The following BTG4 variants were observed in gnomAD, a reference collection of about 807,000 sequenced individuals.
The protein encoded by BTG4 is protein BTG4.
In BTG4, 10 loss-of-function variants were observed where a neutral mutation model predicts 19.3. The observed-to-expected ratio is 0.52, with a 90% CI of 0.32 to 0.88. The LOEUF (loss-of-function observed/expected upper bound fraction) is 0.88. Ranked by LOEUF, BTG4 falls within the 40% of genes least tolerant of loss-of-function variation. BTG4 has a pLI of 0.04. For missense variants in BTG4, 238 were observed against 281.9 expected, an observed-to-expected ratio of 0.84 and a Z score of 1.11; for synonymous variants, 91 against 95.7, an observed-to-expected ratio of 0.95 and a Z score of 0.29.
chr11:111,388,760 C>A, the BTG4 span, among the ~76,000 whole-genome samples: 1 of 152,172 alleles, frequency 6.6e-6, no homozygotes, highest in Non-Finnish European at 1.5e-5. Flanking sequence ...GGGGCCAGAG[C>A]CCCCCAGAAT....
chr11:111,439,955 C>T, the BTG4 span, among the ~76,000 whole-genome samples: 1 of 152,204 alleles, frequency 6.6e-6, no homozygotes, highest in African/African-American at 2.4e-5. Context: ...TTTTGTGTAG[C>T]AAACAATCTC....
chr11:111,512,634 G>A (rs975843184), upstream of BTG4, among the ~76,000 whole-genome samples: 1 of 152,150 alleles, frequency 6.6e-6, no homozygotes, highest in African/African-American at 2.4e-5. Flanking sequence ...TGAGCGGGAG[G>A]GCCCTGAGAG....
rs145577925 is a variant in BTG4 at position 111,503,381 on chromosome 11, G to A, written c.-26-4579C>T. ...CAGAATTTAGCAGAAAGACCAACCT[G>A]GTCTGGCCTAAGCCAATCCCAGAGC... On this transcript the variant is annotated intron_variant, in intron 1 of 4. Transcript: ENST00000692032. Among the ~76,000 whole-genome samples, 67 of 152,306 alleles carry A rather than the reference G, an allele frequency of 4.4e-4. No homozygotes were observed. In the East Asian group the frequency reaches 0.01, roughly 24 times the overall value.
chr11:111,500,427 C>A (rs1865997426), intron 1 of BTG4, among the ~76,000 whole-genome samples: 1 of 152,228 alleles, frequency 6.6e-6, no homozygotes, highest in African/African-American at 2.4e-5. Context: ...GCCAGACCTT[C>A]CTTTCTGTGT....
At chr11:111,395,681 A>C in the BTG4 span, among the ~76,000 whole-genome samples, 1 of 152,244 alleles carries the variant, frequency 6.6e-6, no homozygotes, top group African/African-American at 2.4e-5. Flanking sequence ...CAAAAGCCCC[A>C]AATTCAGTGA....
chr11:111,447,773 T>G, the BTG4 span, among the ~76,000 whole-genome samples: 1 of 152,170 alleles, frequency 6.6e-6, no homozygotes, highest in African/African-American at 2.4e-5. Flanking sequence ...TATCTTAGAT[T>G]TCATCCTCAT....
upstream of BTG4, chr11:111,512,860 G>T: frequency 2.5e-6 from 1 of 402,030 alleles, no homozygotes; most frequent in Non-Finnish European, 5.0e-6. Context: ...GCGTCCCCCG[G>T]TGAAATGGGG....
At chr11:111,419,361 T>C in the BTG4 span, among the ~76,000 whole-genome samples, 140,237 of 152,310 alleles carry the variant, frequency 0.92, 64,906 homozygotes, top group East Asian at 1. Context: ...ACCCTAGAGA[T>C]ACAAAGCTTC....
At chr11:111,514,715 C>A, upstream of BTG4, 1 of 1,223,390 alleles carries the variant, frequency 8.2e-7, no homozygotes, top group Non-Finnish European at 1.1e-6. Flanking sequence ...CTTGGCGGTT[C>A]TCGGAGGGGC....
chr11:111,447,677 G>A, the BTG4 span, among the ~76,000 whole-genome samples: 1 of 152,222 alleles, frequency 6.6e-6, no homozygotes, highest in Non-Finnish European at 1.5e-5. Flanking sequence ...TTCCTCCGGA[G>A]AGGAAGGTTC....
chr11:111,471,991 G>A (rs1027145917), intron 5 of BTG4, among the ~76,000 whole-genome samples: 6 of 152,120 alleles, frequency 3.9e-5, no homozygotes, highest in Non-Finnish European at 8.8e-5. Context: ...TCCAACCACT[G>A]CTCATCAACT....
chr11:111,461,675 T>A, the BTG4 span, among the ~76,000 whole-genome samples: 48,519 of 151,718 alleles, frequency 0.32, 8,092 homozygotes, highest in Admixed American at 0.45. Flanking sequence ...GATTGCGCCA[T>A]TGCCCTCCAG....
chr11:111,494,818 TA>T lies in BTG4; in HGVS notation c.*316del. The T allele has an allele frequency of 1.1e-6, 1 of 917,852 alleles. No homozygotes were observed. The highest frequency in any genetic ancestry group is 1.8e-5 in the African/African-American group (1 of 55,882). The allele number at this position is 917,852 out of a possible 1,614,324, so 56.9% of individuals were successfully genotyped here. ...TGCAACAAACTGAACTAAGAAGTAT[TA>T]AAAACACTGTACGTTTATTTAAACC... On this transcript the variant is annotated 3_prime_UTR_variant, in exon 5 of 5. Coordinates refer to ENST00000692032, the MANE Select transcript of BTG4 (RefSeq NM_001367975.1).
At chr11:111,425,647 G>T in the BTG4 span, among the ~76,000 whole-genome samples, 1 of 152,142 alleles carries the variant, frequency 6.6e-6, no homozygotes, top group Non-Finnish European at 1.5e-5. Context: ...CAGAGCAGTA[G>T]GTAGGAAGAA....
chr11:111,389,151 T>A, the BTG4 span, among the ~76,000 whole-genome samples: 11 of 152,044 alleles, frequency 7.2e-5, no homozygotes, highest in African/African-American at 1.7e-4. Flanking sequence ...GGCAACTTTC[T>A]GTCATGGGTG....
the BTG4 span, among the ~76,000 whole-genome samples, chr11:111,404,192 C>T: frequency 1.3e-5 from 2 of 152,164 alleles, no homozygotes; most frequent in African/African-American, 4.8e-5. Flanking sequence ...GTAAGACATG[C>T]CTTTCACCTT....
chr11:111,488,895 C>T (rs1297950262), intron 5 of BTG4, among the ~76,000 whole-genome samples: 1 of 152,062 alleles, frequency 6.6e-6, no homozygotes, highest in Non-Finnish European at 1.5e-5. Context: ...ACTGTAATCC[C>T]AGCACTTTGG....
At chr11:111,388,002 T>A in the BTG4 span, among the ~76,000 whole-genome samples, 1 of 152,150 alleles carries the variant, frequency 6.6e-6, no homozygotes, top group Admixed American at 6.5e-5. Flanking sequence ...AGTGGCCACC[T>A]TTAAGAAATA....
chr11:111,474,533 A>T (rs1366023177), intron 5 of BTG4, among the ~76,000 whole-genome samples: 1 of 152,144 alleles, frequency 6.6e-6, no homozygotes, highest in East Asian at 1.9e-4. Flanking sequence ...TTTGCTATAA[A>T]CTATCCCACT....
Sources: gnomAD v4.1 joint callset for allele counts (sites outside exome capture counted in the v4.1 genomes callset) on GRCh38, gnomAD v4.1.1 for gene constraint, MANE v1.5 for transcripts, NCBI Gene and HGNC (gene_info 2026-07-23, HGNC 2026-07-21) for gene names.